Variants in DHX38 observed in about 807,000 individuals in gnomAD.
DHX38 encodes pre-mRNA-splicing factor ATP-dependent RNA helicase PRP16.
DHX38 carries 100 observed loss-of-function variants against 153.1 expected under a neutral mutation model. The observed-to-expected ratio is 0.65, with a 90% CI of 0.56 to 0.77. DHX38 has a LOEUF of 0.77. Among genes scored for constraint, DHX38 ranks in the 30% least tolerant of loss-of-function variants. The pLI, the probability that DHX38 is intolerant of heterozygous loss-of-function variation, is 0.00. For synonymous variants in DHX38, 650 were observed against 631.7 expected, an observed-to-expected ratio of 1.03 and a Z score of -0.43; for missense variants, 1,440 against 1,654.0, an observed-to-expected ratio of 0.87 and a Z score of 2.24.
At chr16:72,106,211 C>A in intron 19 of DHX38, 94 bp downstream of exon 19, 2 of 1,202,620 alleles carry the variant, frequency 1.7e-6, no homozygotes, top group Non-Finnish European at 2.4e-6. Context: ...GGCTCTAGAG[C>A]TGGTCCCCAA....
rs575713511 is a variant in DHX38, at chr16:72,104,576, A to G, written c.2101A>G (p.Ile701Val). 8.1e-6 allele frequency: 13 copies of G among 1,614,090 alleles called. No homozygotes were observed. The East Asian group carries it at 2.5e-4, about 30-fold the overall frequency. Reference protein sequence around the residue: ...KFAAFFGNVPIFHIPGRTFPV... With the variant: ...KFAAFFGNVPVFHIPGRTFPV... ...TGCTGCCTTTTTTGGGAATGTCCCC[A>G]TCTTCCACATCCCTGGCCGTACCTT... is the stretch of plus-strand genomic sequence containing the variant. The change falls in exon 15 of 27, where the codon ATC becomes GTC. Residue 701 changes from isoleucine (I) to valine (V), a missense_variant. This residue lies in a region of DHX38 where 543 missense variants were observed against 717.9 expected (regional missense o/e 0.76). Transcript: ENST00000268482. This position sits in a 1 kb window ranked among gnomAD's most constrained non-coding sequence, Gnocchi z 4.5.
In DHX38 at chr16:72,108,853, C is replaced by T. The variant is rs2042219879; in HGVS notation, c.3309C>T (p.Pro1103=). The T allele has an allele frequency of 1.2e-6, 2 of 1,614,004 alleles. No individual in the cohort carries two copies. Among genetic ancestry groups the T allele is most frequent in the Non-Finnish European group, 8.5e-7 (1 of 1,180,032 alleles). The change falls in exon 24 of 27, where the codon CCC becomes CCT. Residue 1103 remains proline (P), a synonymous_variant. Coordinates refer to ENST00000268482, the MANE Select transcript of DHX38 (RefSeq NM_014003.4). ...CAGGGATGCCCTGCCACTTGCACCC[C>T]ACCAGCTCCCTTTTTGGAATGGGCT... The part of the protein sequence containing the change: ...IRTGMPCHLH[P]TSSLFGMGYT...
rs1444262630 is a variant in DHX38 at position 72,108,624 on chromosome 16, A to T, written c.3255+17A>T. On this transcript the variant is annotated intron_variant, in intron 23 of 26. Coordinates refer to ENST00000268482, the MANE Select transcript of DHX38 (RefSeq NM_014003.4). The stretch of plus-strand genomic sequence containing the variant: ...AAGCTCAAGGTGAACCCAGGAGCCC[A>T]GTGAGCCCCTCCCAGCCTGATACCT... 6.2e-7 allele frequency: 1 copy of T among 1,611,744 alleles called. No individual in the cohort carries two copies. Among genetic ancestry groups the T allele is most frequent in the Non-Finnish European group, 8.5e-7 (1 of 1,178,500 alleles).
intron 1 of DHX38, chr16:72,094,294 C>T (rs2041972753): frequency 6.6e-6 from 1 of 152,550 alleles, no homozygotes; most frequent in African/African-American, 2.4e-5. Flanking sequence ...GGGATGCTGC[C>T]TGGAGTGGCC....
rs767489479 is a variant in DHX38, at chr16:72,097,768, A to T, written c.603A>T (p.Arg201=). 6.2e-7 allele frequency: 1 copy of T among 1,613,658 alleles called. No homozygotes were observed. Among genetic ancestry groups the T allele is most frequent in the African/African-American group, 1.3e-5 (1 of 75,054 alleles). ...SSRRNEPESP[R]HRPKDAATPS... Reference sequence around the variant, plus strand: ...GAAGAAATGAACCCGAGAGCCCACGACATCGACCTAAAGGTAGACTCACTG... The same window carrying T: ...GAAGAAATGAACCCGAGAGCCCACGTCATCGACCTAAAGGTAGACTCACTG... Residue 201 remains arginine (R), a synonymous_variant, in exon 4 of 27, where the codon CGA becomes CGT. Transcript: ENST00000268482.
chr16:72,097,798 G>T lies in DHX38; in HGVS notation c.616+17G>T. 1 of 1,607,268 alleles carries T rather than the reference G, an allele frequency of 6.2e-7. No individual in the cohort carries two copies. The highest frequency in any genetic ancestry group is 1.1e-5 in the South Asian group (1 of 90,144). On this transcript the variant is annotated intron_variant, in intron 4 of 26. Coordinates refer to ENST00000268482, the MANE Select transcript of DHX38 (RefSeq NM_014003.4). The stretch of plus-strand genomic sequence containing the variant: ...GACCTAAAGGTAGACTCACTGTTTT[G>T]GTGGCTTGTGAGGATTCAAGTGTAT...
intron 25 of DHX38, among the ~76,000 whole-genome samples, chr16:72,110,329 G>A (rs1173879172): frequency 6.6e-6 from 1 of 152,242 alleles, no homozygotes; most frequent in Non-Finnish European, 1.5e-5. Context: ...AGCTGCGTGT[G>A]GCAGAGATGC....
At chr16:72,109,689 G>T in intron 25 of DHX38, 179 bp downstream of exon 25, 1 of 525,410 alleles carries the variant, frequency 1.9e-6, no homozygotes. Context: ...TTGTTTGGTA[G>T]GCTGAGCCTT....
At chr16:72,096,603 G>T in intron 2 of DHX38, 123 bp downstream of exon 2, 3 of 1,468,660 alleles carry the variant, frequency 2.0e-6, no homozygotes, top group Non-Finnish European at 9.0e-7. Flanking sequence ...TTATGATTCT[G>T]TAATACTGAA....
In DHX38 at chr16:72,107,221, C is replaced by A; in HGVS notation, c.2601-119C>A. The stretch of plus-strand genomic sequence containing the variant: ...TTTGAATAGGTGGAAGTCAGTGATT[C>A]ACTGAAGTAGTGGGTGGGGAGAAGA... On this transcript the variant is annotated intron_variant, in intron 19 of 26. Coordinates refer to ENST00000268482, the MANE Select transcript of DHX38 (RefSeq NM_014003.4). The surrounding 1 kb of genome is among the most constrained non-coding windows in gnomAD (Gnocchi z 5.3). 9.5e-7 allele frequency: 1 copy of A among 1,057,806 alleles called. No individual in the cohort carries two copies. Among genetic ancestry groups the A allele is most frequent in the South Asian group, 1.6e-5 (1 of 63,320 alleles). 65.5% of individuals were successfully genotyped at this position (1,057,806 alleles called of 1,614,324 possible).
At position 72,105,451 on chromosome 16, in the gene DHX38, T is replaced by TC. The variant is rs2144161490; in HGVS notation, c.2380-61dup. 1.9e-6 allele frequency: 3 copies of TC among 1,603,894 alleles called. No individual in the cohort carries two copies. In the South Asian group the frequency reaches 3.3e-5, roughly 18 times the overall value. Reference sequence around the variant, plus strand: ...GGGGGTGGGCTAGGAGGTAGGCTTTTCCCCCTCGCGGAGCCTTTCCTGTCT... The same window carrying TC: ...GGGGGTGGGCTAGGAGGTAGGCTTTTCCCCCCTCGCGGAGCCTTTCCTGTCT... On this transcript the variant is annotated intron_variant, in intron 17 of 26. Transcript: ENST00000268482.
intron 12 of DHX38, among the ~76,000 whole-genome samples, 170 bp downstream of exon 12, chr16:72,103,381 C>G (rs2042126684): frequency 6.6e-6 from 1 of 152,208 alleles, no homozygotes; most frequent in Non-Finnish European, 1.5e-5. Context: ...AACGGGATGG[C>G]ACCATTTTGT....
rs757877528 is a variant in DHX38 at position 72,111,009 on chromosome 16, G to C, written c.3531G>C (p.Ala1177=). The C allele has an allele frequency of 2.5e-6, 4 of 1,585,834 alleles. No homozygotes were observed. The highest frequency in any genetic ancestry group is 3.4e-6 in the Non-Finnish European group (4 of 1,165,928). ...CCTCTGCCATGGAGGAGGAGATGGCGCTGGCCGAGGAGCAGCTGCGAGCCC... is the reference window on the plus strand; with the variant it reads ...CCTCTGCCATGGAGGAGGAGATGGCCCTGGCCGAGGAGCAGCTGCGAGCCC... ...EEASAMEEEM[A]LAEEQLRARR... The change falls in exon 26 of 27, where the codon GCG becomes GCC. Residue 1177 remains alanine, a synonymous_variant. Transcript: ENST00000268482.
At chr16:72,098,624 G>T in intron 4 of DHX38, 21 bp from the exon 5 acceptor site, 1 of 1,612,474 alleles carries the variant, frequency 6.2e-7, no homozygotes, top group Non-Finnish European at 8.5e-7. Context: ...GTTTCCTGTG[G>T]ATGTGTCTTT....
In DHX38 at chr16:72,105,017, G is replaced by A; in HGVS notation, c.2152-10G>A. The A allele has an allele frequency of 1.9e-6, 3 of 1,613,260 alleles. No homozygotes were observed. The highest frequency in any genetic ancestry group is 1.1e-5 in the South Asian group (1 of 90,950). On this transcript the variant is annotated splice_polypyrimidine_tract_variant and intron_variant, in intron 15 of 26. Coordinates refer to ENST00000268482, the MANE Select transcript of DHX38 (RefSeq NM_014003.4). ...ACCTCCCTCTGACTGTGTCCCCACTGCTGTTGCAGACCCCACAGGAGGATT... is the reference window on the plus strand; with the variant it reads ...ACCTCCCTCTGACTGTGTCCCCACTACTGTTGCAGACCCCACAGGAGGATT...
rs759655997 is a variant in DHX38 at position 72,107,557 on chromosome 16, GC to G, written c.2809+13del. ...GGCCCTGGACAACACAGGTGAGGCG[GC>G]CCCGGGAGCCTCATGGGTGCTGGCG... On this transcript the variant is annotated intron_variant, in intron 20 of 26. Coordinates refer to ENST00000268482, the MANE Select transcript of DHX38 (RefSeq NM_014003.4). The surrounding 1 kb of genome is among the most constrained non-coding windows in gnomAD (Gnocchi z 5.3). The G allele has an allele frequency of 2.5e-5, 40 of 1,610,680 alleles. 1 individual carries two copies. In the South Asian group the frequency reaches 4.4e-4, roughly 18 times the overall value.
Position 72,107,505 on chromosome 16 carries a change from C to T in DHX38, c.2766C>T (p.Asn922=). Residue 922 remains asparagine, a synonymous_variant, in exon 20 of 27, where the codon AAC becomes AAT. Transcript: ENST00000268482. The surrounding 1 kb of genome is among the most constrained non-coding windows in gnomAD (Gnocchi z 5.3). The part of the protein sequence containing the change: ...MDPPPEDNML[N]SMYQLWILGA... ...CGCCCCCGGAGGACAACATGCTCAA[C>T]TCTATGTATCAGCTCTGGATCCTCG... 2 of 1,614,216 alleles carry T rather than the reference C, an allele frequency of 1.2e-6. No homozygotes were observed. Among genetic ancestry groups the T allele is most frequent in the Non-Finnish European group, 8.5e-7 (1 of 1,180,036 alleles).
At position 72,105,993 on chromosome 16, in the gene DHX38, G is replaced by A. The variant is rs762841514; in HGVS notation, c.2488-12G>A. 3.9e-5 allele frequency: 63 copies of A among 1,611,442 alleles called. No homozygotes were observed. The highest frequency in any genetic ancestry group is 3.5e-4 in the Admixed American group (21 of 59,924). On this transcript the variant is annotated splice_polypyrimidine_tract_variant and intron_variant, in intron 18 of 26. Coordinates refer to ENST00000268482, the MANE Select transcript of DHX38 (RefSeq NM_014003.4). The stretch of plus-strand genomic sequence containing the variant: ...CTCTGTCCTTCGTCAGCTCTTTGCC[G>A]TCCCCTCCTAGGTCTTCAACCCCAG...
chr16:72,099,601 C>T, intron 7 of DHX38, 131 bp from the exon 8 acceptor site: 2 of 1,297,644 alleles, frequency 1.5e-6, no homozygotes, highest in Non-Finnish European at 2.1e-6. Flanking sequence ...GGAGGCCTCT[C>T]CTGCACCCCT....
Sources: allele counts gnomAD v4.1 joint callset (sites outside exome capture counted in the v4.1 genomes callset), GRCh38; gene constraint gnomAD v4.1.1; regional missense constraint gnomAD v4.1.1; non-coding constraint Gnocchi (gnomAD v3.1); transcripts MANE v1.5; gene names NCBI Gene and HGNC (gene_info 2026-07-23, HGNC 2026-07-21).